The following ROBO2 variants were observed in gnomAD, a reference collection of about 807,000 sequenced individuals.
The protein encoded by ROBO2 is roundabout homolog 2.
Under a neutral mutation model 160.8 loss-of-function variants are expected in ROBO2, and 53 were observed. That is an observed-to-expected ratio of 0.33 (90% CI 0.26 to 0.41). The LOEUF is 0.41. ROBO2 is among the 10% of genes least tolerant of loss of function. The pLI is 1.00. For synonymous variants in ROBO2, 664 were observed against 611.7 expected (o/e 1.09, Z -1.26); for missense variants, 1,577 against 1,722.4 (o/e 0.92, Z 1.49).
intron 2 of ROBO2, among the ~76,000 whole-genome samples, chr3:76,035,480 C>T (rs938133416): frequency 6.6e-6 from 1 of 151,858 alleles, no homozygotes; most frequent in Non-Finnish European, 1.5e-5. Flanking sequence ...TGTGATCAGT[C>T]TGAGGATGCG....
At chr3:77,012,710 T>A (rs2061993715) in intron 2 of ROBO2, among the ~76,000 whole-genome samples, 2 of 152,222 alleles carry the variant, frequency 1.3e-5, no homozygotes, top group Admixed American at 1.3e-4. Flanking sequence ...AATTGCCCAA[T>A]ACACTTTTAA....
At chr3:76,134,462 C>T (rs901916848) in intron 2 of ROBO2, among the ~76,000 whole-genome samples, 1 of 152,060 alleles carries the variant, frequency 6.6e-6, no homozygotes, top group African/African-American at 2.4e-5. Context: ...AGGGATTTTG[C>T]AGATGTATTA....
intron 2 of ROBO2, among the ~76,000 whole-genome samples, chr3:76,249,331 C>G (rs561309591): frequency 4.3e-4 from 65 of 152,098 alleles, no homozygotes; most frequent in African/African-American, 1.5e-3. Flanking sequence ...ATTCTCAAGG[C>G]AGGCAACTGA....
chr3:76,459,537 T>G (rs1292297279), intron 2 of ROBO2, among the ~76,000 whole-genome samples: 1 of 152,190 alleles, frequency 6.6e-6, no homozygotes, highest in Non-Finnish European at 1.5e-5. Context: ...CTATAGACTT[T>G]ATTCAGCCTC....
chr3:75,963,740 C>G (rs1949006815), intron 2 of ROBO2, among the ~76,000 whole-genome samples: 2 of 151,780 alleles, frequency 1.3e-5, no homozygotes, highest in Admixed American at 6.6e-5. Flanking sequence ...GGTCAAAGTG[C>G]TCCTCTGAGG....
chr3:77,100,742 A>G (rs995391474), intron 2 of ROBO2, among the ~76,000 whole-genome samples: 1 of 152,198 alleles, frequency 6.6e-6, no homozygotes, highest in African/African-American at 2.4e-5. Context: ...GAGTTACTAT[A>G]ATAAATTAAA....
At chr3:75,974,227 A>G (rs1468258700) in intron 2 of ROBO2, among the ~76,000 whole-genome samples, 2 of 151,684 alleles carry the variant, frequency 1.3e-5, no homozygotes, top group African/African-American at 4.8e-5. Context: ...TTTAAACACA[A>G]GAAAGAATAG....
intron 2 of ROBO2, among the ~76,000 whole-genome samples, chr3:76,701,529 T>C (rs992487235): frequency 1.3e-5 from 2 of 152,056 alleles, no homozygotes; most frequent in African/African-American, 2.4e-5. Context: ...TTACTGTTAT[T>C]GATTCATTGA....
chr3:76,157,075 T>A (rs76489834), intron 2 of ROBO2, among the ~76,000 whole-genome samples: 1 of 152,190 alleles, frequency 6.6e-6, no homozygotes, highest in African/African-American at 2.4e-5. Flanking sequence ...ACAGAGAGAA[T>A]TGATATCCTC....
At chr3:76,139,019 AT>A (rs1333379331) in intron 2 of ROBO2, among the ~76,000 whole-genome samples, 1 of 152,178 alleles carries the variant, frequency 6.6e-6, no homozygotes. Flanking sequence ...CTTGCCTCTG[AT>A]TTCCGATAAA....
chr3:76,308,394 A>AAAAAAAG (rs2071423030), intron 2 of ROBO2, among the ~76,000 whole-genome samples: 1 of 150,694 alleles, frequency 6.6e-6, no homozygotes, highest in African/African-American at 2.5e-5. Flanking sequence ...AAAAAAAAAA[A>AAAAAAAG]AAAGAAAGAA....
chr3:76,979,894 A>G (rs2060008899), intron 2 of ROBO2, among the ~76,000 whole-genome samples: 1 of 151,960 alleles, frequency 6.6e-6, no homozygotes, highest in South Asian at 2.1e-4. Flanking sequence ...TGGGAATTTT[A>G]TAAAGTTAAG....
chr3:77,631,441 A>C (rs1482216697), intron 23 of ROBO2: 2 of 152,316 alleles, frequency 1.3e-5, no homozygotes, highest in East Asian at 3.9e-4. Flanking sequence ...TGGTTTATTT[A>C]GAAATCTTAA....
chr3:77,171,721 A>G (rs186719633), intron 2 of ROBO2, among the ~76,000 whole-genome samples: 81 of 152,346 alleles, frequency 5.3e-4, no homozygotes, highest in African/African-American at 1.7e-3. Context: ...AGTATGTTCT[A>G]TGCTAGGTAG....
intron 2 of ROBO2, among the ~76,000 whole-genome samples, chr3:77,391,197 C>T (rs1049279177): frequency 6.6e-6 from 1 of 152,158 alleles, no homozygotes; most frequent in Non-Finnish European, 1.5e-5. Context: ...GAAGACAAAA[C>T]ACTTTCCTAA....
At chr3:77,291,606 A>T (rs1025773475) in intron 2 of ROBO2, among the ~76,000 whole-genome samples, 7 of 151,256 alleles carry the variant, frequency 4.6e-5, no homozygotes, top group Non-Finnish European at 1.0e-4. Flanking sequence ...GTAAAGACAT[A>T]AAGTAAAATT....
chr3:76,480,072 A>AAGAGGGG, intron 2 of ROBO2, among the ~76,000 whole-genome samples: 1 of 152,246 alleles, frequency 6.6e-6, no homozygotes, highest in South Asian at 2.1e-4. Flanking sequence ...AAAAGAGGAA[A>AAGAGGGG]AGAGGGGAAA....
chr3:76,596,460 C>T (rs577087597), intron 2 of ROBO2, among the ~76,000 whole-genome samples: 21 of 151,956 alleles, frequency 1.4e-4, no homozygotes, highest in Non-Finnish European at 5.9e-5. Context: ...AATGGAAAAC[C>T]GGCAGCAGAT....
chr3:76,050,662 C>T (rs1306101750), intron 2 of ROBO2, among the ~76,000 whole-genome samples: 1 of 152,150 alleles, frequency 6.6e-6, no homozygotes. Flanking sequence ...CCATCGAGTT[C>T]TGCAACGGCT....
Sources: gnomAD v4.1 joint callset for allele counts (sites outside exome capture counted in the v4.1 genomes callset) on GRCh38, gnomAD v4.1.1 for gene constraint, MANE v1.5 for transcripts, NCBI Gene and HGNC (gene_info 2026-07-23, HGNC 2026-07-21) for gene names.